The following RBM27 variants were observed in gnomAD, a reference collection of about 807,000 sequenced individuals.
The protein encoded by RBM27 is RNA-binding protein 27.
A neutral mutation model predicts 135.3 loss-of-function variants in RBM27; 22 were observed. The observed-to-expected ratio is 0.16, with a 90% CI of 0.12 to 0.23. RBM27 has a LOEUF of 0.23. Ranked by LOEUF, RBM27 falls within the 10% of genes least tolerant of loss-of-function variation. The pLI, the probability that RBM27 is intolerant of heterozygous loss-of-function variation, is 1.00. For synonymous variants in RBM27, 481 were observed against 442.4 expected (o/e 1.09, Z -1.10); for missense variants, 1,009 against 1,281.0 (o/e 0.79, Z 3.24).
chr5:146,216,040 G>A (rs923430440), intron 1 of RBM27, among the ~76,000 whole-genome samples: 6 of 152,052 alleles, frequency 3.9e-5, no homozygotes, highest in Admixed American at 1.3e-4. Context: ...GAGCCACCGC[G>A]CCCAGCTGGC....
chr5:146,263,949 A>G (rs1171599750), intron 14 of RBM27, among the ~76,000 whole-genome samples: 1 of 151,890 alleles, frequency 6.6e-6, no homozygotes, highest in Admixed American at 6.6e-5. Flanking sequence ...TACTAAAAAT[A>G]CAAAAAAATT....
chr5:146,230,073 C>G (rs1204819634), intron 5 of RBM27, among the ~76,000 whole-genome samples, 163 bp downstream of exon 5: 1 of 152,106 alleles, frequency 6.6e-6, no homozygotes, highest in Non-Finnish European at 1.5e-5. Context: ...GAAAACAGGG[C>G]TCTATTCTGG....
intron 14 of RBM27, among the ~76,000 whole-genome samples, chr5:146,265,693 A>C (rs892322388): frequency 2.6e-5 from 4 of 152,198 alleles, no homozygotes; most frequent in African/African-American, 9.7e-5. Flanking sequence ...CTGAGGACAA[A>C]AAACAATTTA....
rs979017520 is a variant in RBM27 at position 146,228,811 on chromosome 5, C to G, written c.304-135C>G. On this transcript the variant is annotated intron_variant, in intron 3 of 20. Transcript: ENST00000265271. ...TATTTTTAGTAGAGATGGAGTCTCC[C>G]TGTGTTTCCCAGGCTGGTCTCAATA... The G allele has an allele frequency of 5.1e-6, 3 of 588,378 alleles. No individual in the cohort carries two copies. In the African/African-American group the frequency reaches 5.7e-5, roughly 11 times the overall value. The allele number at this position is 588,378 out of a possible 1,614,324, so 36.4% of individuals were successfully genotyped here. A position where few individuals can be genotyped will look rare whatever the true frequency, so the allele number is the denominator to read the frequency against.
chr5:146,285,877 C>A, intron 20 of RBM27, 70 bp from the exon 21 acceptor site: 2 of 1,225,940 alleles, frequency 1.6e-6, no homozygotes, highest in Admixed American at 3.5e-5. Context: ...CCTGTTTGTC[C>A]TTTGGCCTAA....
chr5:146,258,373 T>C (rs1423843766), intron 10 of RBM27, 76 bp from the exon 11 acceptor site: 22 of 1,240,430 alleles, frequency 1.8e-5, no homozygotes, highest in Non-Finnish European at 2.3e-5. Context: ...CATAGTAGTT[T>C]TTAGCTTTTA....
intron 8 of RBM27, among the ~76,000 whole-genome samples, chr5:146,239,836 G>C (rs1174679012): frequency 1.3e-5 from 2 of 148,480 alleles, no homozygotes; most frequent in South Asian, 4.3e-4. Context: ...GAAGTGTGGT[G>C]GTGCCATCTT....
intron 2 of RBM27, among the ~76,000 whole-genome samples, chr5:146,220,487 A>ATAT (rs1431897208): frequency 2.2e-4 from 31 of 138,692 alleles, no homozygotes; most frequent in Middle Eastern, 3.8e-3. Flanking sequence ...AAAAAAAAAA[A>ATAT]AAATATATAT....
intron 3 of RBM27, among the ~76,000 whole-genome samples, chr5:146,226,929 T>C (rs1039190471): frequency 4.6e-5 from 7 of 152,248 alleles, no homozygotes; most frequent in African/African-American, 1.7e-4. Flanking sequence ...TTGTTTATAG[T>C]ATTTCTGTTA....
At chr5:146,235,236 C>G (rs1247027351) in intron 7 of RBM27, among the ~76,000 whole-genome samples, 1 of 151,982 alleles carries the variant, frequency 6.6e-6, no homozygotes, top group Admixed American at 6.6e-5. Flanking sequence ...CTGAGCTTCC[C>G]TGCAGTAATA....
rs77479166 is a variant in RBM27 at position 146,270,106 on chromosome 5, G to T, written c.2691+522G>T. Among the ~76,000 whole-genome samples, 476 of 152,152 alleles carry T rather than the reference G, an allele frequency of 3.1e-3. 4 individuals carry two copies. The highest frequency in any genetic ancestry group is 0.011 in the African/African-American group (460 of 41,514). On this transcript the variant is annotated intron_variant, in intron 17 of 20. Transcript: ENST00000265271. Reference sequence around the variant, plus strand: ...ACCATCCTTTAAAAAAAGAAGCCTGGCCTATTCATATGGGTAAAAATGTGG... The same window carrying T: ...ACCATCCTTTAAAAAAAGAAGCCTGTCCTATTCATATGGGTAAAAATGTGG...
chr5:146,261,792 G>A lies in RBM27; in HGVS notation c.2176G>A (p.Gly726Arg), dbSNP rs1362764600. The A allele has an allele frequency of 1.2e-5, 20 of 1,613,996 alleles. No homozygotes were observed. The highest frequency in any genetic ancestry group is 3.3e-5 in the South Asian group (3 of 91,084). Residue 726 changes from glycine (G) to arginine (R), a missense_variant, in exon 13 of 21, where the codon GGA (glycine) becomes AGA (arginine). This residue lies in a region of RBM27 where 355 missense variants were observed against 427.3 expected (regional missense o/e 0.83). Coordinates refer to ENST00000265271, the MANE Select transcript of RBM27 (RefSeq NM_018989.2). The stretch of plus-strand genomic sequence containing the variant: ...CCAGTCTGCTCCTTCAACAGTGCAC[G>A]GAGGTATCCAGAAGGTAATCTGGTT... The part of the protein sequence containing the change: ...VAQSAPSTVH[G>R]GIQKMMSKPQ...
At chr5:146,226,428 G>A (rs980763346) in intron 3 of RBM27, among the ~76,000 whole-genome samples, 1 of 151,994 alleles carries the variant, frequency 6.6e-6, no homozygotes, top group Non-Finnish European at 1.5e-5. Context: ...GCCCAGGCTG[G>A]AGTGCAATGG....
intron 2 of RBM27, among the ~76,000 whole-genome samples, 161 bp downstream of exon 2, chr5:146,219,264 T>C (rs1287050154): frequency 4.6e-5 from 7 of 152,220 alleles, no homozygotes; most frequent in Non-Finnish European, 1.0e-4. Context: ...TCATGTTTTG[T>C]TAGAACTGGT....
intron 19 of RBM27, among the ~76,000 whole-genome samples, chr5:146,282,930 T>C (rs1303066031): frequency 6.6e-6 from 1 of 152,212 alleles, no homozygotes; most frequent in African/African-American, 2.4e-5. Context: ...TAGAAATTAT[T>C]TGTTCTTAAT....
intron 6 of RBM27, among the ~76,000 whole-genome samples, chr5:146,232,037 T>G (rs1043963062): frequency 2.0e-5 from 3 of 152,244 alleles, no homozygotes; most frequent in Admixed American, 6.5e-5. Flanking sequence ...CTTTTAAATT[T>G]TTATTATGGA....
intron 1 of RBM27, among the ~76,000 whole-genome samples, chr5:146,204,976 CA>C (rs1340820166): frequency 6.6e-6 from 1 of 152,180 alleles, no homozygotes; most frequent in African/African-American, 2.4e-5. Flanking sequence ...CGGCTCACTG[CA>C]ACCTCCGCCT....
chr5:146,257,594 C>CT (rs1279840362), intron 10 of RBM27, among the ~76,000 whole-genome samples: 3 of 152,142 alleles, frequency 2.0e-5, no homozygotes, highest in South Asian at 4.1e-4. Flanking sequence ...CATTGTGAAA[C>CT]TTTAAGTCCT....
intron 5 of RBM27, 127 bp downstream of exon 5, chr5:146,230,037 C>A: frequency 3.7e-6 from 4 of 1,068,088 alleles, no homozygotes; most frequent in South Asian, 1.7e-5. Flanking sequence ...GGAATTGTCT[C>A]AAGAAGCTCA....
Sources: gnomAD v4.1 joint callset for allele counts (sites outside exome capture counted in the v4.1 genomes callset) on GRCh38, gnomAD v4.1.1 for gene constraint, gnomAD v4.1.1 regional missense constraint, MANE v1.5 for transcripts, NCBI Gene and HGNC (gene_info 2026-07-23, HGNC 2026-07-21) for gene names.